The following RAB33A variants were observed in gnomAD, a reference collection of about 807,000 sequenced individuals.
RAB33A encodes ras-related protein Rab-33A.
RAB33A carries 6 observed loss-of-function variants against 12.0 expected under a neutral mutation model. The observed-to-expected ratio is 0.50, with a 90% confidence interval of 0.27 to 0.99. The LOEUF (loss-of-function observed/expected upper bound fraction) is 0.99, where lower values mean the gene tolerates loss of function less well. RAB33A is among the 50% of genes least tolerant of loss of function. RAB33A has a pLI of 0.11. For missense variants in RAB33A, 109 were observed against 192.0 expected, an observed-to-expected ratio of 0.57 and a Z score of 2.55; for synonymous variants, 70 against 82.4, an observed-to-expected ratio of 0.85 and a Z score of 0.81.
At chrX:130,142,920 C>T in the RAB33A span, among the ~76,000 whole-genome samples, 1 of 111,927 alleles carries the variant, frequency 8.9e-6, no homozygotes, top group East Asian at 2.8e-4. Context: ...GTATCTGAAC[C>T]GCCAAATCTC....
the RAB33A span, among the ~76,000 whole-genome samples, chrX:130,126,856 G>A: frequency 1.8e-5 from 2 of 112,460 alleles, no homozygotes; most frequent in African/African-American, 6.5e-5. Flanking sequence ...AAGGTGCTAA[G>A]TGCAACTGGA....
chrX:130,170,509 C>G (rs754042356), upstream of RAB33A, among the ~76,000 whole-genome samples: 4 of 112,170 alleles, frequency 3.6e-5, no homozygotes, highest in Non-Finnish European at 7.5e-5. Context: ...TGCACTTTAT[C>G]GTATGTAAAT....
chrX:130,181,007 C>CAAAAAAAAAAAAA (rs60085312), intron 1 of RAB33A, among the ~76,000 whole-genome samples: 2 of 8,129 alleles, frequency 2.5e-4, no homozygotes, highest in African/African-American at 6.8e-4. Context: ...CAGTCCATCT[C>CAAAAAAAAAAAAA]AAAAAAAAAA....
the RAB33A span, among the ~76,000 whole-genome samples, chrX:130,158,728 A>C: frequency 2.4e-3 from 262 of 108,423 alleles, 1 homozygote; most frequent in African/African-American, 8.5e-3. Context: ...AAAAAAAAAA[A>C]AAAATCGCAA....
chrX:130,176,544 T>A (rs2031665801), intron 1 of RAB33A, among the ~76,000 whole-genome samples: 1 of 111,820 alleles, frequency 8.9e-6, no homozygotes, highest in African/African-American at 3.3e-5. Flanking sequence ...TGTTACATTA[T>A]CAAGTGGATG....
At chrX:130,143,791 G>A in the RAB33A span, among the ~76,000 whole-genome samples, 8 of 110,106 alleles carry the variant, frequency 7.3e-5, no homozygotes, top group African/African-American at 9.9e-5. Context: ...AGGTTGCAGC[G>A]AGCTGAGATC....
At chrX:130,124,859 T>C in the RAB33A span, among the ~76,000 whole-genome samples, 1 of 111,573 alleles carries the variant, frequency 9.0e-6, no homozygotes, top group Non-Finnish European at 1.9e-5. Context: ...TGTGATTGGA[T>C]TGGGTATCTT....
the RAB33A span, among the ~76,000 whole-genome samples, chrX:130,147,119 G>A: frequency 1.8e-5 from 2 of 111,530 alleles, no homozygotes; most frequent in Admixed American, 9.6e-5. Flanking sequence ...CTGAGATTGC[G>A]CCACTGCACT....
chrX:130,122,030 G>A, the RAB33A span, among the ~76,000 whole-genome samples: 2 of 112,291 alleles, frequency 1.8e-5, no homozygotes, highest in South Asian at 3.7e-4. Flanking sequence ...AAGTCGAGCC[G>A]ATCATCTGAG....
the RAB33A span, among the ~76,000 whole-genome samples, chrX:130,117,633 G>GC: frequency 2.7e-5 from 3 of 112,296 alleles, no homozygotes; most frequent in Admixed American, 9.4e-5. Context: ...ATGAGGGCAA[G>GC]CCCCCTGGAG....
chrX:130,161,095 C>T, the RAB33A span, among the ~76,000 whole-genome samples: 1 of 111,113 alleles, frequency 9.0e-6, no homozygotes, highest in East Asian at 2.8e-4. Flanking sequence ...TCCATACTCC[C>T]AAAAGGCGTT....
chrX:130,136,011 T>G, the RAB33A span: 1 of 1,210,511 alleles, frequency 8.3e-7, no homozygotes, highest in Non-Finnish European at 1.1e-6. Context: ...CTAGGGAGAA[T>G]GAATTATGCC....
chrX:130,119,322 C>T, the RAB33A span, among the ~76,000 whole-genome samples: 2 of 111,794 alleles, frequency 1.8e-5, no homozygotes, highest in Non-Finnish European at 1.9e-5. Context: ...AACTTGGACC[C>T]GTGGTTAGCA....
At chrX:130,172,429 C>T in intron 1 of RAB33A, 109 bp downstream of exon 1, 1 of 1,021,857 alleles carries the variant, frequency 9.8e-7, no homozygotes. Flanking sequence ...GGCGGTTTCG[C>T]CTCTTGCTGA....
the RAB33A span, among the ~76,000 whole-genome samples, chrX:130,157,182 T>C: frequency 3.6e-5 from 4 of 112,166 alleles, no homozygotes; most frequent in East Asian, 1.1e-3. Flanking sequence ...TTTTGGACTA[T>C]GAAATATTTT....
the RAB33A span, chrX:130,137,601 C>T: frequency 8.8e-7 from 1 of 1,136,396 alleles, no homozygotes; most frequent in Non-Finnish European, 1.2e-6. Flanking sequence ...AAGCTGGGAA[C>T]CATCATGTGC....
chrX:130,156,715 C>G, the RAB33A span: 1 of 839,379 alleles, frequency 1.2e-6, no homozygotes, highest in Non-Finnish European at 1.7e-6. Flanking sequence ...AGATATTCAC[C>G]GTTAAATGAT....
the RAB33A span, among the ~76,000 whole-genome samples, chrX:130,166,283 C>T: frequency 2.7e-5 from 3 of 111,385 alleles, no homozygotes; most frequent in South Asian, 1.1e-3. Context: ...TACCAGTTGC[C>T]GGCTCTTTCC....
At chrX:130,144,368 C>G in the RAB33A span, among the ~76,000 whole-genome samples, 20 of 111,830 alleles carry the variant, frequency 1.8e-4, no homozygotes, top group Admixed American at 3.8e-4. Context: ...AGAAAAAGCT[C>G]TTTCACGCAA....
Sources: gnomAD v4.1 joint callset for allele counts (sites outside exome capture counted in the v4.1 genomes callset) on GRCh38, gnomAD v4.1.1 for gene constraint, MANE v1.5 for transcripts, NCBI Gene and HGNC (gene_info 2026-07-23, HGNC 2026-07-21) for gene names.